The following RPS6KA5 variants were observed in gnomAD, a reference collection of about 807,000 sequenced individuals.
RPS6KA5 encodes the protein ribosomal protein S6 kinase A5, also known as ribosomal protein S6 kinase alpha-5.
In RPS6KA5, 27 loss-of-function variants were observed where a neutral mutation model predicts 85.5. That is an observed-to-expected ratio of 0.32 (90% CI 0.23 to 0.44). The LOEUF is 0.44. Among genes scored for constraint, RPS6KA5 ranks in the 20% least tolerant of loss-of-function variants. The pLI is 1.00. For missense variants in RPS6KA5, 811 were observed against 980.9 expected (o/e 0.83, Z 2.31); for synonymous variants, 334 against 348.2 (o/e 0.96, Z 0.46).
At position 91,049,693 on chromosome 14, in the gene RPS6KA5, G is replaced by A. The variant is rs550176972; in HGVS notation, c.103+10639C>T. On this transcript the variant is annotated intron_variant, in intron 1 of 16. Coordinates refer to ENST00000614987, the MANE Select transcript of RPS6KA5 (RefSeq NM_004755.4). ...CACAACACACACATATTCAGTATGC[G>A]TTGCTTAACAATGAGAACATGTTCT... Among the ~76,000 whole-genome samples the A allele has an allele frequency of 3.3e-5, 5 of 152,252 alleles. No homozygotes were observed. The South Asian group carries it at 6.2e-4, about 19-fold the overall frequency.
chr14:90,914,304 C>T (rs967082884), intron 7 of RPS6KA5, among the ~76,000 whole-genome samples: 6 of 123,204 alleles, frequency 4.9e-5, no homozygotes, highest in African/African-American at 1.9e-4. Flanking sequence ...AGAATGATCC[C>T]TAGGGTTTTT....
In RPS6KA5 at chr14:91,034,668, G is replaced by A. The variant is rs974371189; in HGVS notation, c.103+25664C>T. On this transcript the variant is annotated intron_variant, in intron 1 of 16. Coordinates refer to ENST00000614987, the MANE Select transcript of RPS6KA5 (RefSeq NM_004755.4). ...CCCAGCCAGCAGCAGCAACCTGCTC[G>A]GGTCCCCTTTCACGCTGTGGAAGCC... Among the ~76,000 whole-genome samples, 5 of 152,156 alleles carry A rather than the reference G, an allele frequency of 3.3e-5. No homozygotes were observed. In the East Asian group the frequency reaches 9.6e-4, roughly 29 times the overall value.
At chr14:91,043,492 T>A (rs1381446195) in intron 1 of RPS6KA5, among the ~76,000 whole-genome samples, 3 of 152,216 alleles carry the variant, frequency 2.0e-5, no homozygotes, top group African/African-American at 7.2e-5. Flanking sequence ...TACTTACTTC[T>A]TGAGTAACCC....
intron 5 of RPS6KA5, among the ~76,000 whole-genome samples, chr14:90,938,564 T>C (rs1210971588): frequency 6.6e-6 from 1 of 152,240 alleles, no homozygotes; most frequent in Non-Finnish European, 1.5e-5. Flanking sequence ...TGCCTGGGCA[T>C]CCAGGTGTTT....
At chr14:90,875,783 T>C (rs1019851328) in intron 14 of RPS6KA5, among the ~76,000 whole-genome samples, 2 of 151,424 alleles carry the variant, frequency 1.3e-5, no homozygotes, top group African/African-American at 4.9e-5. Flanking sequence ...ACCATCATTC[T>C]CAGCAAACTA....
intron 2 of RPS6KA5, among the ~76,000 whole-genome samples, chr14:90,990,910 A>G (rs750001948): frequency 6.6e-6 from 1 of 152,140 alleles, no homozygotes; most frequent in Non-Finnish European, 1.5e-5. Flanking sequence ...ATGGTTGAAA[A>G]ACTACATATA....
chr14:90,900,165 C>A lies in RPS6KA5; in HGVS notation c.1322G>T (p.Arg441Leu), dbSNP rs369503281. The A allele has an allele frequency of 6.2e-7, 1 of 1,606,052 alleles. No homozygotes were observed. Among genetic ancestry groups the A allele is most frequent in the Non-Finnish European group, 8.5e-7 (1 of 1,175,576 alleles). The change falls in exon 11 of 17, where the codon CGA (arginine) becomes CTA (leucine). Residue 441 changes from arginine to leucine, a missense_variant. Coordinates refer to ENST00000614987, the MANE Select transcript of RPS6KA5 (RefSeq NM_004755.4). ...GTTACTTTTTTTATGCACACACTTTCGACAAATTGAAAAACTACCTTCTCC... is the reference window on the plus strand; with the variant it reads ...GTTACTTTTTTTATGCACACACTTTAGACAAATTGAAAAACTACCTTCTCC... ...PLGEGSFSIC[R>L]KCVHKKSNQA... is the part of the protein sequence containing the mutation.
rs2032281209 is a variant in RPS6KA5 at position 90,856,320 on chromosome 14, G to A, written c.*15754C>T. The A allele has an allele frequency of 6.6e-6, 1 of 151,654 alleles. No individual in the cohort carries two copies. Among genetic ancestry groups the A allele is most frequent in the Non-Finnish European group, 1.5e-5 (1 of 68,312 alleles). 9.4% of individuals were successfully genotyped at this position (151,654 alleles called of 1,614,324 possible). Reference sequence around the variant, plus strand: ...CTCTGAATAGCCAGGTGTTAGTACTGACTTCCTCAAACTAGCTACAGCCTT... The same window carrying A: ...CTCTGAATAGCCAGGTGTTAGTACTAACTTCCTCAAACTAGCTACAGCCTT... On this transcript the variant is annotated 3_prime_UTR_variant, in exon 17 of 17. Coordinates refer to ENST00000614987, the MANE Select transcript of RPS6KA5 (RefSeq NM_004755.4).
At chr14:90,962,485 C>T (rs1422956163) in intron 3 of RPS6KA5, among the ~76,000 whole-genome samples, 4 of 152,002 alleles carry the variant, frequency 2.6e-5, no homozygotes, top group Non-Finnish European at 5.9e-5. Context: ...CAGGGTTTCG[C>T]CATGTTAGCC....
chr14:90,996,695 T>TA (rs1236913821), intron 2 of RPS6KA5, among the ~76,000 whole-genome samples: 36 of 152,042 alleles, frequency 2.4e-4, no homozygotes, highest in Admixed American at 6.5e-5. Flanking sequence ...TTGCTTTTGA[T>TA]AAAAAACATA....
intron 3 of RPS6KA5, among the ~76,000 whole-genome samples, chr14:90,963,082 A>G (rs1460408341): frequency 6.6e-6 from 1 of 152,174 alleles, no homozygotes; most frequent in Non-Finnish European, 1.5e-5. Flanking sequence ...ATTTCATACA[A>G]CGCATTAGAA....
At chr14:90,912,943 C>T (rs1334985304) in intron 7 of RPS6KA5, among the ~76,000 whole-genome samples, 10 of 140,600 alleles carry the variant, frequency 7.1e-5, no homozygotes, top group African/African-American at 2.7e-4. Flanking sequence ...TGGAGTCTCC[C>T]TCTGTTGCCC....
At chr14:90,975,567 A>G (rs1291737734) in intron 3 of RPS6KA5, among the ~76,000 whole-genome samples, 1 of 152,238 alleles carries the variant, frequency 6.6e-6, no homozygotes, top group African/African-American at 2.4e-5. Context: ...CTGCAAGCCA[A>G]GGAAAGAGGC....
At chr14:91,005,655 A>G (rs2040987725) in intron 1 of RPS6KA5, among the ~76,000 whole-genome samples, 2 of 152,222 alleles carry the variant, frequency 1.3e-5, no homozygotes, top group South Asian at 4.1e-4. Flanking sequence ...CTAGGTGTCT[A>G]AATAGTTTTC....
intron 5 of RPS6KA5, among the ~76,000 whole-genome samples, chr14:90,924,551 C>T (rs542363533): frequency 6.6e-6 from 1 of 152,228 alleles, no homozygotes; most frequent in South Asian, 2.1e-4. Flanking sequence ...CAATAATTTT[C>T]TCAAGTAACA....
intron 1 of RPS6KA5, among the ~76,000 whole-genome samples, chr14:91,009,613 G>GC (rs2041174550): frequency 6.6e-6 from 1 of 152,140 alleles, no homozygotes; most frequent in African/African-American, 2.4e-5. Context: ...CATAAGAAAT[G>GC]CAAGTCTGGT....
At chr14:90,982,229 AT>A (rs2039821595) in intron 2 of RPS6KA5, among the ~76,000 whole-genome samples, 1 of 152,006 alleles carries the variant, frequency 6.6e-6, no homozygotes, top group African/African-American at 2.4e-5. Flanking sequence ...GAGTAATCTT[AT>A]TTTTAAAGTA....
intron 1 of RPS6KA5, among the ~76,000 whole-genome samples, chr14:91,049,686 A>C (rs1372217600): frequency 6.6e-6 from 1 of 152,226 alleles, no homozygotes; most frequent in Non-Finnish European, 1.5e-5. Context: ...ACACATATTC[A>C]GTATGCGTTG....
At chr14:90,947,831 C>A (rs1004075327) in intron 3 of RPS6KA5, among the ~76,000 whole-genome samples, 1 of 152,146 alleles carries the variant, frequency 6.6e-6, no homozygotes, top group African/African-American at 2.4e-5. Flanking sequence ...TTCTCAAATA[C>A]AGCATATCAG....
Sources: allele counts gnomAD v4.1 joint callset (sites outside exome capture counted in the v4.1 genomes callset), GRCh38; gene constraint gnomAD v4.1.1; transcripts MANE v1.5; gene names NCBI Gene and HGNC (gene_info 2026-07-23, HGNC 2026-07-21).